Variants in KCNIP4 observed in about 807,000 individuals in gnomAD.
KCNIP4 encodes the protein Kv channel-interacting protein 4.
KCNIP4 carries 12 observed loss-of-function variants against 34.0 expected under a neutral mutation model. The ratio of observed to expected loss-of-function variants is 0.35; its 90% confidence interval spans 0.23 to 0.57. The LOEUF is 0.57. Ranked by LOEUF, KCNIP4 falls within the 20% of genes least tolerant of loss-of-function variation. The pLI, the probability that KCNIP4 is intolerant of heterozygous loss-of-function variation, is 0.83. For synonymous variants in KCNIP4, 124 were observed against 102.2 expected (o/e 1.21, Z -1.29); for missense variants, 238 against 311.7 (o/e 0.76, Z 1.78).
chr4:21,223,974 G>T (rs374804932), intron 1 of KCNIP4, among the ~76,000 whole-genome samples: 1 of 152,142 alleles, frequency 6.6e-6, no homozygotes. Context: ...CTTATCAGCC[G>T]AGGAATCTTC....
chr4:21,945,523 C>A (rs1225997527), intron 1 of KCNIP4, among the ~76,000 whole-genome samples: 1 of 152,140 alleles, frequency 6.6e-6, no homozygotes, highest in Admixed American at 6.5e-5. Context: ...TAAGCCAAAG[C>A]CACGATACAT....
At chr4:21,749,049 G>C (rs1716969911) in intron 1 of KCNIP4, among the ~76,000 whole-genome samples, 1 of 152,088 alleles carries the variant, frequency 6.6e-6, no homozygotes, top group Non-Finnish European at 1.5e-5. Context: ...GTACCATTCA[G>C]AATATTAAAT....
At chr4:21,556,930 A>AAAAAAAAAAAAAC (rs1739097761) in intron 1 of KCNIP4, among the ~76,000 whole-genome samples, 3 of 108,192 alleles carry the variant, frequency 2.8e-5, no homozygotes, top group East Asian at 3.2e-4. Context: ...CAGAAAAAAA[A>AAAAAAAAAAAAAC]AAAAAAAAAA....
chr4:21,421,449 G>A (rs995563058), intron 1 of KCNIP4, among the ~76,000 whole-genome samples: 1 of 152,148 alleles, frequency 6.6e-6, no homozygotes, highest in Non-Finnish European at 1.5e-5. Context: ...CTTTAAAAAG[G>A]AGGAAATCCT....
intron 1 of KCNIP4, among the ~76,000 whole-genome samples, chr4:21,061,826 T>C (rs1024850710): frequency 3.9e-4 from 60 of 152,190 alleles, no homozygotes; most frequent in African/African-American, 1.4e-3. Flanking sequence ...TAAGTTAAAA[T>C]AGAGTCTTTA....
intron 1 of KCNIP4, among the ~76,000 whole-genome samples, chr4:21,373,431 T>C (rs1720673579): frequency 6.8e-6 from 1 of 147,548 alleles, no homozygotes; most frequent in South Asian, 2.1e-4. Flanking sequence ...ACTAAAAAGG[T>C]CTGAGAGACT....
chr4:21,238,485 C>T (rs567287648), intron 1 of KCNIP4, among the ~76,000 whole-genome samples: 2,062 of 152,246 alleles, frequency 0.014, 51 homozygotes, highest in African/African-American at 0.047. Flanking sequence ...AAAACCTCAT[C>T]GTCTCAGCTC....
intron 1 of KCNIP4, among the ~76,000 whole-genome samples, chr4:20,995,900 A>G (rs762768767): frequency 6.6e-5 from 10 of 152,198 alleles, no homozygotes; most frequent in Admixed American, 2.0e-4. Context: ...ATAAGTTACT[A>G]AGTCCAAGGA....
At chr4:20,782,020 A>G (rs1488255104) in intron 3 of KCNIP4, among the ~76,000 whole-genome samples, 1 of 152,112 alleles carries the variant, frequency 6.6e-6, no homozygotes, top group East Asian at 1.9e-4. Context: ...ATTGGCCAAA[A>G]CAAAGGGGTC....
intron 3 of KCNIP4, among the ~76,000 whole-genome samples, chr4:20,809,516 G>T (rs1214103731): frequency 6.6e-6 from 1 of 152,058 alleles, no homozygotes; most frequent in Non-Finnish European, 1.5e-5. Context: ...TGGCTTATAG[G>T]CTATTTCTTT....
intron 1 of KCNIP4, among the ~76,000 whole-genome samples, chr4:20,892,321 C>T (rs558353948): frequency 2.2e-4 from 34 of 152,248 alleles, no homozygotes; most frequent in Middle Eastern, 3.4e-3. Flanking sequence ...GAGTGGCTAC[C>T]TAAATACACC....
intron 1 of KCNIP4, among the ~76,000 whole-genome samples, chr4:21,771,060 A>G (rs1718749464): frequency 6.6e-6 from 1 of 151,740 alleles, no homozygotes; most frequent in African/African-American, 2.4e-5. Context: ...TCTTCTAGGG[A>G]TCTTATGGTT....
chr4:21,284,398 C>T (rs991735107), intron 1 of KCNIP4, among the ~76,000 whole-genome samples: 1 of 152,146 alleles, frequency 6.6e-6, no homozygotes, highest in Non-Finnish European at 1.5e-5. Flanking sequence ...CTGTTTGGTA[C>T]TTCTCATTTT....
chr4:20,902,128 G>A (rs1220271368), intron 1 of KCNIP4, among the ~76,000 whole-genome samples: 2 of 151,988 alleles, frequency 1.3e-5, no homozygotes, highest in Admixed American at 1.3e-4. Flanking sequence ...GATTCTAAGA[G>A]GCCAAAATTA....
At chr4:21,324,704 T>TG (rs1221106477) in intron 1 of KCNIP4, among the ~76,000 whole-genome samples, 3 of 150,274 alleles carry the variant, frequency 2.0e-5, no homozygotes, top group African/African-American at 7.3e-5. Context: ...TTTTGTTTTG[T>TG]TTTTTTCTTT....
intron 1 of KCNIP4, among the ~76,000 whole-genome samples, chr4:21,573,798 G>T (rs1740530602): frequency 6.6e-6 from 1 of 152,238 alleles, no homozygotes; most frequent in Admixed American, 6.5e-5. Flanking sequence ...TTATCAGCCA[G>T]GTTACAGTCC....
At chr4:20,763,174 T>C (rs534149442) in intron 3 of KCNIP4, among the ~76,000 whole-genome samples, 6 of 152,194 alleles carry the variant, frequency 3.9e-5, no homozygotes, top group Non-Finnish European at 8.8e-5. Flanking sequence ...CAGTTGAACA[T>C]ACCTAACCTG....
intron 1 of KCNIP4, among the ~76,000 whole-genome samples, chr4:21,447,102 T>G (rs1249648808): frequency 1.3e-5 from 2 of 152,188 alleles, no homozygotes; most frequent in Non-Finnish European, 2.9e-5. Context: ...TATTAGCCAA[T>G]TCTTTAAAAT....
At chr4:21,150,935 G>A (rs758861038) in intron 1 of KCNIP4, among the ~76,000 whole-genome samples, 3 of 152,148 alleles carry the variant, frequency 2.0e-5, no homozygotes, top group Non-Finnish European at 4.4e-5. Context: ...CCTTGTTACA[G>A]TAACATTTAA....
Sources: allele counts gnomAD v4.1 joint callset (sites outside exome capture counted in the v4.1 genomes callset), GRCh38; gene constraint gnomAD v4.1.1; transcripts MANE v1.5; gene names NCBI Gene and HGNC (gene_info 2026-07-23, HGNC 2026-07-21).